Variants in R3HDM1 observed in about 807,000 individuals in gnomAD.
R3HDM1 encodes R3H domain containing 1, also known as R3H domain-containing protein 1.
A neutral mutation model predicts 141.1 loss-of-function variants in R3HDM1; 46 were observed. The ratio of observed to expected loss-of-function variants is 0.33; its 90% CI spans 0.26 to 0.42. The LOEUF (loss-of-function observed/expected upper bound fraction) is 0.42, where lower values mean the gene tolerates loss of function less well. R3HDM1 is among the 10% of genes least tolerant of loss of function. The probability of loss-of-function intolerance (pLI) is 1.00; values close to 1 mark genes in which losing one functional copy is unlikely to be tolerated. For synonymous variants in R3HDM1, 435 were observed against 472.9 expected (o/e 0.92, Z 1.04); for missense variants, 1,184 against 1,368.3 (o/e 0.87, Z 2.12).
At chr2:135,653,361 A>G (rs2065373392) in intron 18 of R3HDM1, among the ~76,000 whole-genome samples, 2 of 152,302 alleles carry the variant, frequency 1.3e-5, no homozygotes, top group East Asian at 3.9e-4. Flanking sequence ...ATCTCAAAAA[A>G]GAACAAAGGT....
At chr2:135,637,624 G>A (rs1441560387) in intron 11 of R3HDM1, among the ~76,000 whole-genome samples, 1 of 152,094 alleles carries the variant, frequency 6.6e-6, no homozygotes, top group Non-Finnish European at 1.5e-5. Context: ...CTCCAGCCTG[G>A]GTGACAGAGT....
rs1359012728 is a variant in R3HDM1 at position 135,670,277 on chromosome 2, A to G, written c.2153-5055A>G. 5 of 981,266 alleles carry G rather than the reference A, an allele frequency of 5.1e-6. No individual in the cohort carries two copies. In the East Asian group the frequency reaches 5.7e-4, roughly 111 times the overall value. 60.8% of individuals were successfully genotyped at this position (981,266 alleles called of 1,614,324 possible). Reference sequence around the variant, plus strand: ...TTATATTTTAAGTGAAAAGACAGGGATTTGGGGCCAAATTCTAGAGCAGAC... The same window carrying G: ...TTATATTTTAAGTGAAAAGACAGGGGTTTGGGGCCAAATTCTAGAGCAGAC... On this transcript the variant is annotated intron_variant, in intron 19 of 26. Coordinates refer to ENST00000683871, the MANE Select transcript of R3HDM1 (RefSeq NM_001378107.1).
rs183248156 is a variant in R3HDM1, at chr2:135,668,242, T to C, written c.2152+6849T>C. ...GATCCCAGTTTTATTTTCTTTTTCA[T>C]TGGAACAAATGTTAGCCTGTTAATG... On this transcript the variant is annotated intron_variant, in intron 19 of 26. Coordinates refer to ENST00000683871, the MANE Select transcript of R3HDM1 (RefSeq NM_001378107.1). Among the ~76,000 whole-genome samples, 178 of 152,310 alleles carry C rather than the reference T, an allele frequency of 1.2e-3. 3 individuals carry two copies. Among genetic ancestry groups the C allele is most frequent in the African/African-American group, 3.7e-3 (154 of 41,568 alleles).
intron 18 of R3HDM1, among the ~76,000 whole-genome samples, chr2:135,659,244 C>G (rs1039206222): frequency 6.6e-6 from 1 of 151,866 alleles, no homozygotes; most frequent in African/African-American, 2.4e-5. Context: ...ACTACAGACA[C>G]GCACATCACA....
intron 21 of R3HDM1, among the ~76,000 whole-genome samples, chr2:135,687,027 A>G (rs530997739): frequency 1.3e-5 from 2 of 152,236 alleles, no homozygotes; most frequent in African/African-American, 2.4e-5. Context: ...GTGAAACTTC[A>G]TCTCTACTGA....
At position 135,542,722 on chromosome 2, in the gene R3HDM1, A is replaced by G. The variant is rs549767414; in HGVS notation, c.-250+11089A>G. ...AATTTGAGGGAAGAGGGTAATGTAA[A>G]TGCTTAAGTTACACTATGGTTACTA... On this transcript the variant is annotated intron_variant, in intron 1 of 26. Transcript: ENST00000683871. Among the ~76,000 whole-genome samples, 12 of 152,316 alleles carry G rather than the reference A, an allele frequency of 7.9e-5. No homozygotes were observed. In the South Asian group the frequency reaches 2.5e-3, roughly 32 times the overall value.
chr2:135,584,402 G>A (rs1160837800), intron 1 of R3HDM1: 3 of 941,592 alleles, frequency 3.2e-6, no homozygotes. Context: ...CCTGACCTCG[G>A]TAGCATGTTT....
intron 20 of R3HDM1, among the ~76,000 whole-genome samples, chr2:135,678,757 C>CTTTT (rs397738151): frequency 2.4e-5 from 2 of 84,194 alleles, no homozygotes; most frequent in East Asian, 3.1e-4. Context: ...TACTGGCTTG[C>CTTTT]TTTTTTTTTT....
At chr2:135,532,641 G>T (rs1695156022) in intron 1 of R3HDM1, among the ~76,000 whole-genome samples, 1 of 151,750 alleles carries the variant, frequency 6.6e-6, no homozygotes. Flanking sequence ...AAATATCATT[G>T]ATGACAAAAA....
intron 18 of R3HDM1, among the ~76,000 whole-genome samples, chr2:135,658,762 A>G (rs1391075304): frequency 6.6e-6 from 1 of 152,092 alleles, no homozygotes; most frequent in African/African-American, 2.4e-5. Context: ...GCTCTACAAA[A>G]ATATTTTCTT....
intron 1 of R3HDM1, chr2:135,536,512 A>G (rs1299433176): frequency 2.2e-6 from 2 of 918,764 alleles, no homozygotes; most frequent in African/African-American, 1.8e-5. Context: ...GTTTTTATCT[A>G]CAACTCCCTA....
chr2:135,541,870 AAG>A (rs1411968601), intron 1 of R3HDM1, among the ~76,000 whole-genome samples: 40 of 145,688 alleles, frequency 2.7e-4, no homozygotes, highest in Non-Finnish European at 6.0e-5. Context: ...AAAAAAAAAA[AAG>A]AAAGAAAGAA....
chr2:135,680,748 C>T (rs1370426357), intron 21 of R3HDM1, among the ~76,000 whole-genome samples: 1 of 152,158 alleles, frequency 6.6e-6, no homozygotes, highest in Non-Finnish European at 1.5e-5. Flanking sequence ...CCAGCCTGGG[C>T]AACAAGAGTG....
chr2:135,547,500 A>G (rs1400105928), intron 1 of R3HDM1, among the ~76,000 whole-genome samples: 1 of 149,400 alleles, frequency 6.7e-6, no homozygotes, highest in Non-Finnish European at 1.5e-5. Flanking sequence ...TCTGGTTGAC[A>G]AGCAATAGTG....
rs548509634 is a variant in R3HDM1 at position 135,662,048 on chromosome 2, C to A, written c.2152+655C>A. ...TTTTGATCTCAGTGTATAAAACTAT[C>A]TTATTGATTTTTTAATGAACTCATT... On this transcript the variant is annotated intron_variant, in intron 19 of 26. Coordinates refer to ENST00000683871, the MANE Select transcript of R3HDM1 (RefSeq NM_001378107.1). Among the ~76,000 whole-genome samples the A allele has an allele frequency of 2.6e-5, 4 of 152,292 alleles. No individual in the cohort carries two copies. In the South Asian group the frequency reaches 8.3e-4, roughly 32 times the overall value.
At chr2:135,603,682 A>C (rs1014599399) in intron 2 of R3HDM1, among the ~76,000 whole-genome samples, 1 of 152,164 alleles carries the variant, frequency 6.6e-6, no homozygotes, top group Admixed American at 6.5e-5. Flanking sequence ...ATCACAGCTC[A>C]CTGGAACACA....
intron 19 of R3HDM1, among the ~76,000 whole-genome samples, chr2:135,670,703 A>G (rs1332122084): frequency 6.6e-6 from 1 of 152,146 alleles, no homozygotes; most frequent in Non-Finnish European, 1.5e-5. Context: ...CAAATTTTCT[A>G]CTATAAAAGT....
chr2:135,607,671 A>C (rs1173072372), intron 3 of R3HDM1, among the ~76,000 whole-genome samples: 2 of 152,208 alleles, frequency 1.3e-5, no homozygotes, highest in Non-Finnish European at 2.9e-5. Context: ...CTTTTCCTAG[A>C]TCATGCTTAT....
chr2:135,575,371 A>G (rs905373276), intron 1 of R3HDM1, among the ~76,000 whole-genome samples: 1 of 152,132 alleles, frequency 6.6e-6, no homozygotes, highest in Non-Finnish European at 1.5e-5. Context: ...CAGTAGAGAC[A>G]GGGTTTCACC....
Sources: gnomAD v4.1 joint callset for allele counts (sites outside exome capture counted in the v4.1 genomes callset) on GRCh38, gnomAD v4.1.1 for gene constraint, MANE v1.5 for transcripts, NCBI Gene and HGNC (gene_info 2026-07-23, HGNC 2026-07-21) for gene names.